The following JADE3 variants were observed in gnomAD, a reference collection of about 807,000 sequenced individuals.
The protein encoded by JADE3 is jade family PHD finger 3, also known as protein Jade-3.
Under a neutral mutation model 50.1 loss-of-function variants are expected in JADE3, and 2 were observed. The ratio of observed to expected loss-of-function variants is 0.04; its 90% confidence interval spans 0.02 to 0.13. JADE3 has a LOEUF of 0.13. Ranked by LOEUF, JADE3 falls within the 10% of genes least tolerant of loss-of-function variation. The pLI is 1.00. For missense variants in JADE3, 475 were observed against 634.4 expected, an observed-to-expected ratio of 0.75 and a Z score of 2.70; for synonymous variants, 218 against 232.9, an observed-to-expected ratio of 0.94 and a Z score of 0.58.
chrX:47,019,485 A>G (rs1316109552), intron 4 of JADE3, among the ~76,000 whole-genome samples: 1 of 111,736 alleles, frequency 8.9e-6, no homozygotes, highest in Non-Finnish European at 1.9e-5. Context: ...CCTGGGCTCA[A>G]GTGATCTTCC....
intron 1 of JADE3, among the ~76,000 whole-genome samples, chrX:46,924,549 G>T (rs1926313821): frequency 8.9e-6 from 1 of 112,010 alleles, no homozygotes; most frequent in South Asian, 3.7e-4. Flanking sequence ...CTGAAACCTG[G>T]AAGTTTTAAT....
chrX:46,918,966 A>G (rs1926163778), intron 1 of JADE3, among the ~76,000 whole-genome samples: 1 of 112,556 alleles, frequency 8.9e-6, no homozygotes, highest in African/African-American at 3.2e-5. Context: ...ATGTGAAAAA[A>G]TTGGGGGCCA....
chrX:46,976,398 C>G (rs935647386), intron 1 of JADE3, among the ~76,000 whole-genome samples: 3 of 111,944 alleles, frequency 2.7e-5, no homozygotes, highest in Non-Finnish European at 5.6e-5. Flanking sequence ...GACATTTACT[C>G]CAGACATTTG....
chrX:46,923,420 T>C (rs1348646554), intron 1 of JADE3, among the ~76,000 whole-genome samples: 6 of 58,225 alleles, frequency 1.0e-4, no homozygotes, highest in African/African-American at 5.9e-4. Context: ...TTTTTTTTTT[T>C]TGAGGCAGGG....
At position 47,003,128 on chromosome X, in the gene JADE3, A is replaced by G. The variant is rs1928325232; in HGVS notation, c.284+4851A>G. 2.7e-5 allele frequency among the ~76,000 whole-genome samples: 3 copies of G among 111,254 alleles called. No individual in the cohort carries two copies. The Admixed American group carries it at 2.9e-4, about 11-fold the overall frequency. On this transcript the variant is annotated intron_variant, in intron 4 of 10. Transcript: ENST00000614628. ...ATTGATTGATTTTTTTTAATATTGA[A>G]CAAGCCTTGCATTGCTTGAGCAAAC...
At chrX:46,997,071 G>T (rs782144397) in intron 3 of JADE3, among the ~76,000 whole-genome samples, 2 of 111,841 alleles carry the variant, frequency 1.8e-5, no homozygotes, top group Non-Finnish European at 3.8e-5. Context: ...ACTATCACTT[G>T]GAAAATAATG....
At position 46,975,020 on chromosome X, in the gene JADE3, T is replaced by C. The variant is rs375060729; in HGVS notation, c.-11-9864T>C. ...TAACATCAATTATTGTGATAACCGA[T>C]AAATGTCTCCAGATATTGCCAAATG... On this transcript the variant is annotated intron_variant, in intron 1 of 10. Coordinates refer to ENST00000614628, the MANE Select transcript of JADE3 (RefSeq NM_014735.5). Among the ~76,000 whole-genome samples the C allele has an allele frequency of 1.3e-4, 12 of 93,096 alleles. No homozygotes were observed. In the East Asian group the frequency reaches 3.8e-3, roughly 29 times the overall value. 80.8% of individuals were successfully genotyped at this position (93,096 alleles called of 115,157 possible).
At chrX:47,006,652 CCTT>C (rs1210102714) in intron 4 of JADE3, among the ~76,000 whole-genome samples, 1 of 108,806 alleles carries the variant, frequency 9.2e-6, no homozygotes, top group Non-Finnish European at 1.9e-5. Flanking sequence ...TTATTTTTAT[CCTT>C]CTGCTTACTT....
At chrX:46,974,572 G>A (rs1206061543) in intron 1 of JADE3, among the ~76,000 whole-genome samples, 6 of 112,015 alleles carry the variant, frequency 5.4e-5, no homozygotes, top group African/African-American at 1.9e-4. Context: ...ACTTTCAGAT[G>A]TTTCTTTCCT....
intron 10 of JADE3, among the ~76,000 whole-genome samples, chrX:47,057,830 C>T (rs541520790): frequency 8.9e-6 from 1 of 111,874 alleles, no homozygotes; most frequent in African/African-American, 3.3e-5. Flanking sequence ...TAGGAAGACC[C>T]TATTCTAAAC....
At position 47,031,287 on chromosome X, in the gene JADE3, G is replaced by A. The variant is rs2301418; in HGVS notation, c.688-2334G>A. 6.6e-4 allele frequency among the ~76,000 whole-genome samples: 73 copies of A among 110,938 alleles called. No individual in the cohort carries two copies. In the East Asian group the frequency reaches 0.011, roughly 16 times the overall value. ...CTTTCATTTCCTAGCAAACATTCTG[G>A]GCCTCAGACAAAGAGCTTTAAAGGT... On this transcript the variant is annotated intron_variant, in intron 6 of 10. Coordinates refer to ENST00000614628, the MANE Select transcript of JADE3 (RefSeq NM_014735.5).
In JADE3 at chrX:47,059,311, G is replaced by A; in HGVS notation, c.*234G>A. ...GGTTTGTCAGAGGCTATTGGGAACA[G>A]CTGGGCCCAGGGTATTTGCTCAGTA... On this transcript the variant is annotated 3_prime_UTR_variant, in exon 11 of 11. Transcript: ENST00000614628. 1 of 355,284 alleles carries A rather than the reference G, an allele frequency of 2.8e-6. No individual in the cohort carries two copies. Among genetic ancestry groups the A allele is most frequent in the Non-Finnish European group, 4.8e-6 (1 of 207,136 alleles). The allele number at this position is 355,284 out of a possible 1,213,427, so 29.3% of individuals were successfully genotyped here.
intron 7 of JADE3, among the ~76,000 whole-genome samples, chrX:47,035,749 G>A (rs1427046394): frequency 2.7e-5 from 3 of 110,953 alleles, no homozygotes; most frequent in Non-Finnish European, 5.7e-5. Flanking sequence ...AGAAACTCAT[G>A]TATATATTTG....
At chrX:47,005,171 C>G (rs782102649) in intron 4 of JADE3, among the ~76,000 whole-genome samples, 1 of 111,787 alleles carries the variant, frequency 8.9e-6, no homozygotes, top group South Asian at 3.8e-4. Flanking sequence ...AAAACAAAAA[C>G]TAAGAAAAGC....
At chrX:46,975,353 A>C (rs1170507880) in intron 1 of JADE3, among the ~76,000 whole-genome samples, 3 of 112,155 alleles carry the variant, frequency 2.7e-5, no homozygotes, top group African/African-American at 9.7e-5. Flanking sequence ...TTTACTCTAA[A>C]ACTGTGGGGA....
intron 1 of JADE3, among the ~76,000 whole-genome samples, chrX:46,956,815 C>T (rs1463214526): frequency 2.9e-5 from 3 of 104,618 alleles, no homozygotes; most frequent in Admixed American, 1.0e-4. Flanking sequence ...CCTCCCCTCC[C>T]CTTTCCTTTC....
intron 1 of JADE3, among the ~76,000 whole-genome samples, chrX:46,981,079 T>C (rs1927741616): frequency 9.0e-6 from 1 of 111,456 alleles, no homozygotes; most frequent in Non-Finnish European, 1.9e-5. Context: ...GGCAAGGAAA[T>C]GAGTTCTCCC....
chrX:47,018,591 C>T (rs1928727360), intron 4 of JADE3, among the ~76,000 whole-genome samples: 1 of 112,183 alleles, frequency 8.9e-6, no homozygotes, highest in Non-Finnish European at 1.9e-5. Context: ...GCCTCGGCCT[C>T]CCAAAGTGCT....
intron 8 of JADE3, among the ~76,000 whole-genome samples, chrX:47,043,802 G>C (rs1556370182): frequency 1.9e-5 from 2 of 103,134 alleles, no homozygotes; most frequent in Admixed American, 2.1e-4. Flanking sequence ...CTGGGCGACA[G>C]AGTGAGACTC....
Sources: allele counts gnomAD v4.1 joint callset (sites outside exome capture counted in the v4.1 genomes callset), GRCh38; gene constraint gnomAD v4.1.1; transcripts MANE v1.5; gene names NCBI Gene and HGNC (gene_info 2026-07-23, HGNC 2026-07-21).